BAZ2A: variants seen among roughly 807,000 people sequenced by gnomAD.
BAZ2A encodes the protein bromodomain adjacent to zinc finger domain protein 2A.
In BAZ2A, 34 loss-of-function variants were observed where a neutral mutation model predicts 199.9. The ratio of observed to expected loss-of-function variants is 0.17; its 90% CI spans 0.13 to 0.23. The LOEUF (loss-of-function observed/expected upper bound fraction) is 0.23. Among genes scored for constraint, BAZ2A ranks in the 10% least tolerant of loss-of-function variants. BAZ2A has a pLI of 1.00. For synonymous variants in BAZ2A, 857 were observed against 883.9 expected, an observed-to-expected ratio of 0.97 and a Z score of 0.54; for missense variants, 2,002 against 2,391.1, an observed-to-expected ratio of 0.84 and a Z score of 3.39.
chr12:56,614,195 T>C (rs1950644892), intron 3 of BAZ2A, 57 bp from the exon 4 acceptor site: 2 of 1,521,980 alleles, frequency 1.3e-6, no homozygotes, highest in African/African-American at 1.4e-5. Context: ...TTGGTTCACT[T>C]AGCTATACTA....
intron 3 of BAZ2A, 103 bp from the exon 4 acceptor site, chr12:56,614,241 T>C: frequency 3.3e-6 from 4 of 1,213,866 alleles, no homozygotes; most frequent in Non-Finnish European, 3.5e-6. Flanking sequence ...GTTCATTCAT[T>C]CAACATTTAT....
At chr12:56,611,367 G>C (rs1264930414) in intron 7 of BAZ2A, 3 of 610,130 alleles carry the variant, frequency 4.9e-6, no homozygotes, top group African/African-American at 3.8e-5. Flanking sequence ...AAAAAGAATA[G>C]GTGATGGAAG....
chr12:56,636,356 G>C, exon 1 of BAZ2A: 1 of 1,440,034 alleles, frequency 6.9e-7, no homozygotes, highest in Non-Finnish European at 9.2e-7. Flanking sequence ...ACTGCTGTAG[G>C]GTGATGTCCC....
At chr12:56,612,543 C>A (rs1479089950) in intron 5 of BAZ2A, among the ~76,000 whole-genome samples, 1 of 152,232 alleles carries the variant, frequency 6.6e-6, no homozygotes, top group Non-Finnish European at 1.5e-5. Flanking sequence ...GGGCACAGGT[C>A]GGAGTATAGC....
At chr12:56,606,092 G>A (rs1414932912) in intron 12 of BAZ2A, 29 bp from the exon 13 acceptor site, 1 of 1,550,100 alleles carries the variant, frequency 6.5e-7, no homozygotes, top group Non-Finnish European at 8.7e-7. Context: ...AACCAAGACT[G>A]CCATAAAGAT....
At position 56,600,378 on chromosome 12, in the gene BAZ2A, G is replaced by A. The variant is rs1363773831; in HGVS notation, c.4715C>T (p.Ala1572Val). The change falls in exon 24 of 29, where the codon GCA becomes GTA. Residue 1572 changes from alanine (A) to valine (V), a missense_variant. Physicochemically the swap from Ala to Val is moderately conservative, Grantham distance 64. This residue lies in a region of BAZ2A where 1,081 missense variants were observed against 1,274.7 expected (regional missense o/e 0.85). Coordinates refer to ENST00000549884, the MANE Select transcript of BAZ2A (RefSeq NM_001300905.2). ...AGGGTTGGTAGTTTTACGCTGAGGT[G>A]CCAGTCCCTCCCTGCCCCGACCTCG... is the stretch of plus-strand genomic sequence containing the variant. ...TWRGRGREGL[A>V]PQRKTTNPLD... is the part of the protein sequence containing the mutation. The A allele has an allele frequency of 2.2e-5, 35 of 1,613,906 alleles. No homozygotes were observed. Among genetic ancestry groups the A allele is most frequent in the Non-Finnish European group, 2.8e-5 (33 of 1,179,900 alleles).
upstream of BAZ2A, chr12:56,638,152 C>T: frequency 1.7e-6 from 1 of 597,730 alleles, no homozygotes. Context: ...ACTATGTTGT[C>T]AGAACCAAGA....
intron 19 of BAZ2A, 25 bp downstream of exon 19, chr12:56,602,688 T>A: frequency 6.2e-7 from 1 of 1,602,962 alleles, no homozygotes; most frequent in African/African-American, 1.3e-5. Flanking sequence ...GGACTCAGAA[T>A]CCACACTCCC....
At chr12:56,633,599 G>A (rs973499729), upstream of BAZ2A, among the ~76,000 whole-genome samples, 6 of 152,086 alleles carry the variant, frequency 3.9e-5, no homozygotes, top group African/African-American at 9.7e-5. Flanking sequence ...GCTCTTAGCC[G>A]GGTAACCATT....
chr12:56,618,961 C>G (rs1197736545), intron 1 of BAZ2A, among the ~76,000 whole-genome samples: 1 of 152,072 alleles, frequency 6.6e-6, no homozygotes, highest in Non-Finnish European at 1.5e-5. Flanking sequence ...CTTTGGAAGC[C>G]AAAGCAGGAG....
At chr12:56,608,523 T>C (rs1197778565) in intron 10 of BAZ2A, among the ~76,000 whole-genome samples, 1 of 152,072 alleles carries the variant, frequency 6.6e-6, no homozygotes, top group Non-Finnish European at 1.5e-5. Context: ...AATGTAGGTA[T>C]TTCTCACCTG....
At chr12:56,621,181 T>C in intron 1 of BAZ2A, 1 of 985,406 alleles carries the variant, frequency 1.0e-6, no homozygotes, top group Non-Finnish European at 1.2e-6. Context: ...TCCTCCTCAA[T>C]GATGGGTCAC....
At chr12:56,605,779 A>G in intron 13 of BAZ2A, 51 bp downstream of exon 13, 2 of 1,408,318 alleles carry the variant, frequency 1.4e-6, no homozygotes, top group Non-Finnish European at 9.6e-7. Context: ...TTTTTTTTTT[A>G]AAGGAAAGTC....
Position 56,605,200 on chromosome 12 carries a change from A to C in BAZ2A, c.2621T>G (p.Val874Gly). ...CTCCTGCAGGACCCCCAGGCTAGGC[A>C]CATCTTTGGCAGGATCAAAGCCCAG... ...KVLGFDPAKDVPSLGVLQEGL... is the reference protein window; with the variant it reads ...KVLGFDPAKDGPSLGVLQEGL... The change falls in exon 14 of 29, where the codon GTG (valine) becomes GGG (glycine). Residue 874 changes from valine to glycine, a missense_variant. Val to Gly is a moderately radical substitution (Grantham distance 109). Around this residue, in one of 6 missense-constraint regions of BAZ2A, gnomAD observed 1,081 missense variants for 1,274.7 expected, o/e 0.85. Coordinates refer to ENST00000549884, the MANE Select transcript of BAZ2A (RefSeq NM_001300905.2). 1 of 1,613,826 alleles carries C rather than the reference A, an allele frequency of 6.2e-7. No homozygotes were observed. The highest frequency in any genetic ancestry group is 8.5e-7 in the Non-Finnish European group (1 of 1,179,874).
chr12:56,629,265 A>G (rs1474002051), intron 1 of BAZ2A, among the ~76,000 whole-genome samples: 6 of 152,088 alleles, frequency 3.9e-5, no homozygotes, highest in Non-Finnish European at 8.8e-5. Flanking sequence ...TCGTCCCCCA[A>G]AGCAGACAAA....
chr12:56,617,331 C>A lies in BAZ2A; in HGVS notation c.136+64G>T, dbSNP rs1286797123. The A allele has an allele frequency of 6.5e-6, 9 of 1,386,028 alleles. No individual in the cohort carries two copies. The Admixed American group carries it at 1.9e-4, about 29-fold the overall frequency. 85.9% of individuals were successfully genotyped at this position (1,386,028 alleles called of 1,614,324 possible). The stretch of plus-strand genomic sequence containing the variant: ...AGCAAAGTAGAGCAAAATATCCCCC[C>A]ATGAATCTGCCCTAAAGGGATGATG... On this transcript the variant is annotated intron_variant, in intron 2 of 28. Transcript: ENST00000549884.
Position 56,597,739 on chromosome 12 carries a change from CAGT to C in BAZ2A, c.*876_*878del, listed in dbSNP as rs755871074. ...CATCTTAGGGTGCACCCAAACTCAG[CAGT>C]AGTTGTCCCTGAGGAGTTCCCAAGA... On this transcript the variant is annotated 3_prime_UTR_variant, in exon 29 of 29. Coordinates refer to ENST00000549884, the MANE Select transcript of BAZ2A (RefSeq NM_001300905.2). The C allele has an allele frequency of 6.6e-6, 1 of 152,646 alleles. No individual in the cohort carries two copies. The highest frequency in any genetic ancestry group is 1.5e-5 in the Non-Finnish European group (1 of 68,290). 9.5% of individuals were successfully genotyped at this position (152,646 alleles called of 1,614,324 possible).
intron 15 of BAZ2A, 42 bp from the exon 16 acceptor site, chr12:56,604,333 A>T (rs1950277988): frequency 6.4e-7 from 1 of 1,562,542 alleles, no homozygotes; most frequent in Non-Finnish European, 8.7e-7. Flanking sequence ...CAGCACAAAA[A>T]AAGGGAAAGG....
Position 56,599,683 on chromosome 12 carries a change from G to GA in BAZ2A, c.5172+18dup, listed in dbSNP as rs745893769. 1 of 1,612,580 alleles carries GA rather than the reference G, an allele frequency of 6.2e-7. No homozygotes were observed. The highest frequency in any genetic ancestry group is 1.1e-5 in the South Asian group (1 of 91,004). ...CTGATTTCTGTTTGAGTGTGGGAAA[G>GA]AAAGAGCAGAAGCCTTACCTGAGCC... is the stretch of plus-strand genomic sequence containing the variant. On this transcript the variant is annotated intron_variant, in intron 26 of 28. Coordinates refer to ENST00000549884, the MANE Select transcript of BAZ2A (RefSeq NM_001300905.2).
Sources: allele counts gnomAD v4.1 joint callset (sites outside exome capture counted in the v4.1 genomes callset), GRCh38; gene constraint gnomAD v4.1.1; regional missense constraint gnomAD v4.1.1; transcripts MANE v1.5; gene names NCBI Gene and HGNC (gene_info 2026-07-23, HGNC 2026-07-21).